CCBE1: variants seen among roughly 807,000 people sequenced by gnomAD.
CCBE1 encodes the protein collagen and calcium-binding EGF domain-containing protein 1.
A neutral mutation model predicts 50.0 loss-of-function variants in CCBE1; 37 were observed. That is an observed-to-expected ratio of 0.74 (90% confidence interval 0.57 to 0.97). CCBE1 has a LOEUF of 0.97. Ranked by LOEUF, CCBE1 falls within the 50% of genes least tolerant of loss-of-function variation. The probability of loss-of-function intolerance (pLI) is 0.00; values close to 1 mark genes in which losing one functional copy is unlikely to be tolerated. For synonymous variants in CCBE1, 234 were observed against 203.7 expected (o/e 1.15, Z -1.27); for missense variants, 538 against 523.8 (o/e 1.03, Z -0.26).
chr18:59,619,705 T>C (rs2053687130), intron 2 of CCBE1, among the ~76,000 whole-genome samples: 1 of 152,212 alleles, frequency 6.6e-6, no homozygotes, highest in South Asian at 2.1e-4. Context: ...ATTATCCTTG[T>C]TTGGAATTTT....
At chr18:59,443,627 C>T (rs12957970) in intron 7 of CCBE1, among the ~76,000 whole-genome samples, 40,749 of 151,678 alleles carry the variant, frequency 0.27, 6,006 homozygotes, top group Middle Eastern at 0.39. Flanking sequence ...CCACCACCCC[C>T]GGCTAATTTT....
At chr18:59,505,252 G>A (rs1322586851) in intron 2 of CCBE1, among the ~76,000 whole-genome samples, 1 of 152,132 alleles carries the variant, frequency 6.6e-6, no homozygotes, top group Admixed American at 6.5e-5. Flanking sequence ...CTCTTCCTTT[G>A]CCAAAGGACC....
At chr18:59,484,258 T>A (rs1912709199) in intron 2 of CCBE1, among the ~76,000 whole-genome samples, 1 of 152,232 alleles carries the variant, frequency 6.6e-6, no homozygotes, top group South Asian at 2.1e-4. Context: ...GTGTACTAGA[T>A]GATTTGAAAC....
At chr18:59,580,268 T>C (rs901783199) in intron 2 of CCBE1, among the ~76,000 whole-genome samples, 1 of 152,232 alleles carries the variant, frequency 6.6e-6, no homozygotes, top group Non-Finnish European at 1.5e-5. Context: ...AATGCAACCG[T>C]TGGCCTCTTA....
chr18:59,695,915 A>G (rs1223372894), intron 2 of CCBE1, among the ~76,000 whole-genome samples: 1 of 152,176 alleles, frequency 6.6e-6, no homozygotes, highest in East Asian at 1.9e-4. Flanking sequence ...TCAATGGTGA[A>G]AAACCTAAAT....
intron 6 of CCBE1, among the ~76,000 whole-genome samples, chr18:59,453,282 G>A (rs1911027006): frequency 6.6e-6 from 1 of 152,222 alleles, no homozygotes; most frequent in Non-Finnish European, 1.5e-5. Context: ...TCTGGCTTAT[G>A]AAATGCAAAC....
chr18:59,652,218 T>TCCA (rs145773294), intron 2 of CCBE1, among the ~76,000 whole-genome samples: 3,456 of 152,322 alleles, frequency 0.023, 142 homozygotes, highest in African/African-American at 0.079. Context: ...TGAATAGTAT[T>TCCA]CCATTTCACT....
intron 2 of CCBE1, among the ~76,000 whole-genome samples, chr18:59,682,483 G>A (rs2054603166): frequency 6.6e-6 from 1 of 152,032 alleles, no homozygotes; most frequent in South Asian, 2.1e-4. Flanking sequence ...ATTAAAATCT[G>A]ACTATACTGA....
chr18:59,532,023 C>T (rs1915072772), intron 2 of CCBE1, among the ~76,000 whole-genome samples: 1 of 152,178 alleles, frequency 6.6e-6, no homozygotes, highest in African/African-American at 2.4e-5. Flanking sequence ...CACTGGACAC[C>T]AAATAAACAT....
At chr18:59,559,939 A>C (rs546355615) in intron 2 of CCBE1, among the ~76,000 whole-genome samples, 1 of 152,266 alleles carries the variant, frequency 6.6e-6, no homozygotes, top group East Asian at 1.9e-4. Context: ...ACCAAGAGCC[A>C]GGAACGGTTT....
chr18:59,458,797 T>C (rs1386412049), intron 5 of CCBE1, among the ~76,000 whole-genome samples: 1 of 152,200 alleles, frequency 6.6e-6, no homozygotes, highest in East Asian at 1.9e-4. Flanking sequence ...ACCTGTTACA[T>C]GCAAATTCCT....
intron 2 of CCBE1, among the ~76,000 whole-genome samples, chr18:59,559,103 A>G (rs2052694917): frequency 6.6e-6 from 1 of 152,176 alleles, no homozygotes; most frequent in South Asian, 2.1e-4. Flanking sequence ...AGCATGGGCT[A>G]TGGTACTCAG....
intron 2 of CCBE1, among the ~76,000 whole-genome samples, chr18:59,623,805 A>G (rs1309869584): frequency 2.0e-5 from 3 of 152,192 alleles, no homozygotes; most frequent in African/African-American, 7.2e-5. Flanking sequence ...TTTGTTTTCA[A>G]GGACACACAT....
chr18:59,620,790 A>C (rs1288867154), intron 2 of CCBE1, among the ~76,000 whole-genome samples: 3 of 152,150 alleles, frequency 2.0e-5, no homozygotes, highest in Admixed American at 6.5e-5. Context: ...AGCCATGTGG[A>C]ACTGTGAGTC....
At chr18:59,660,427 C>A (rs371429988) in intron 2 of CCBE1, among the ~76,000 whole-genome samples, 220 of 152,254 alleles carry the variant, frequency 1.4e-3, no homozygotes, top group African/African-American at 5.0e-3. Context: ...ATACTTCATT[C>A]TCGGTGTACG....
chr18:59,538,244 A>G (rs1915330152), intron 2 of CCBE1, among the ~76,000 whole-genome samples: 1 of 152,200 alleles, frequency 6.6e-6, no homozygotes, highest in African/African-American at 2.4e-5. Context: ...AATGTATCCC[A>G]AACTTCAAAG....
chr18:59,522,473 G>T (rs71357640), intron 2 of CCBE1, among the ~76,000 whole-genome samples: 1 of 152,062 alleles, frequency 6.6e-6, no homozygotes, highest in African/African-American at 2.4e-5. Context: ...ATAAAAACAA[G>T]TAAGATAATC....
At position 59,602,575 on chromosome 18, in the gene CCBE1, GTA is replaced by G. The variant is rs376157737; in HGVS notation, c.212+94052_212+94053del. On this transcript the variant is annotated intron_variant, in intron 2 of 10. Transcript: ENST00000439986. ...AGAAAATACATATAATACAAAAAGG[GTA>G]TATATATGTATGTAACAAGACATTG... is the stretch of plus-strand genomic sequence containing the variant. 1.1e-4 allele frequency among the ~76,000 whole-genome samples: 16 copies of G among 152,150 alleles called. No individual in the cohort carries two copies. In the East Asian group the frequency reaches 2.9e-3, roughly 27 times the overall value.
At chr18:59,602,099 T>C (rs915835027) in intron 2 of CCBE1, among the ~76,000 whole-genome samples, 8 of 151,142 alleles carry the variant, frequency 5.3e-5, no homozygotes, top group Non-Finnish European at 1.2e-4. Flanking sequence ...CATTTGTTAT[T>C]ACAAATGTGA....
Sources: allele counts gnomAD v4.1 joint callset (sites outside exome capture counted in the v4.1 genomes callset), GRCh38; gene constraint gnomAD v4.1.1; transcripts MANE v1.5; gene names NCBI Gene and HGNC (gene_info 2026-07-23, HGNC 2026-07-21).